The following CRIM1 variants were observed in gnomAD, a reference collection of about 807,000 sequenced individuals.
CRIM1 encodes cysteine rich transmembrane BMP regulator 1, also known as cysteine-rich motor neuron 1 protein.
CRIM1 carries 32 observed loss-of-function variants against 116.4 expected under a neutral mutation model. The observed-to-expected ratio is 0.27, with a 90% CI of 0.21 to 0.37. CRIM1 has a LOEUF of 0.37. Among genes scored for constraint, CRIM1 ranks in the 10% least tolerant of loss-of-function variants. CRIM1 has a pLI of 1.00. For synonymous variants in CRIM1, 590 were observed against 509.2 expected (o/e 1.16, Z -2.13); for missense variants, 1,331 against 1,354.8 (o/e 0.98, Z 0.28).
At chr2:36,369,791 C>T (rs1173321037) in intron 1 of CRIM1, among the ~76,000 whole-genome samples, 1 of 152,154 alleles carries the variant, frequency 6.6e-6, no homozygotes, top group Non-Finnish European at 1.5e-5. Context: ...TAGCATCAGC[C>T]ACTGGGCCCC....
chr2:36,442,030 G>A (rs1338375087), intron 3 of CRIM1, among the ~76,000 whole-genome samples: 1 of 152,118 alleles, frequency 6.6e-6, no homozygotes. Context: ...CATGTGCCAA[G>A]TCATCTTTGA....
chr2:36,501,111 AT>A lies in CRIM1; in HGVS notation c.1501+1768del, dbSNP rs1019862796. On this transcript the variant is annotated intron_variant, in intron 8 of 16. Coordinates refer to ENST00000280527, the MANE Select transcript of CRIM1 (RefSeq NM_016441.3). ...TCCCTTTTGAATTGACATTTGGCCT[AT>A]TTTCTTAAATCTCTTTCCATTCTCT... is the stretch of plus-strand genomic sequence containing the variant. 4.6e-5 allele frequency among the ~76,000 whole-genome samples: 7 copies of A among 152,198 alleles called. 1 individual carries two copies. The highest frequency in any genetic ancestry group is 1.7e-4 in the African/African-American group (7 of 41,512).
chr2:36,546,248 G>GC (rs1227800662), intron 15 of CRIM1, among the ~76,000 whole-genome samples: 1 of 152,098 alleles, frequency 6.6e-6, no homozygotes, highest in Non-Finnish European at 1.5e-5. Flanking sequence ...TTTAGGGAGT[G>GC]CCCCCTATTG....
chr2:36,358,153 A>G (rs1668982225), intron 1 of CRIM1, among the ~76,000 whole-genome samples: 2 of 152,164 alleles, frequency 1.3e-5, no homozygotes, highest in Non-Finnish European at 2.9e-5. Flanking sequence ...ATTTGCCTGA[A>G]GTACAAAAAA....
intron 2 of CRIM1, among the ~76,000 whole-genome samples, chr2:36,411,888 A>G (rs1673237653): frequency 1.3e-5 from 2 of 152,236 alleles, no homozygotes; most frequent in Non-Finnish European, 2.9e-5. Context: ...AGGATAAGCT[A>G]TGACTCCTGA....
chr2:36,452,514 G>T (rs959766882), intron 4 of CRIM1, among the ~76,000 whole-genome samples: 4 of 152,086 alleles, frequency 2.6e-5, no homozygotes, highest in African/African-American at 4.8e-5. Flanking sequence ...CAAAATAATT[G>T]TAGGAATTCC....
intron 11 of CRIM1, among the ~76,000 whole-genome samples, chr2:36,516,296 C>G (rs1179380333): frequency 1.3e-5 from 2 of 152,118 alleles, no homozygotes; most frequent in Non-Finnish European, 2.9e-5. Context: ...CCACTGAGCT[C>G]CAAGCATGAG....
At chr2:36,374,722 G>C (rs1057012807) in intron 1 of CRIM1, among the ~76,000 whole-genome samples, 1 of 152,112 alleles carries the variant, frequency 6.6e-6, no homozygotes, top group Non-Finnish European at 1.5e-5. Context: ...AGTCGTAATG[G>C]AATTTATTTT....
chr2:36,421,236 G>A (rs989221928), intron 2 of CRIM1, among the ~76,000 whole-genome samples: 2 of 152,116 alleles, frequency 1.3e-5, no homozygotes, highest in African/African-American at 4.8e-5. Context: ...TGCAGGTATG[G>A]TATGTGCTTT....
At chr2:36,533,033 C>T (rs1438514759) in intron 13 of CRIM1, among the ~76,000 whole-genome samples, 1 of 152,166 alleles carries the variant, frequency 6.6e-6, no homozygotes, top group Non-Finnish European at 1.5e-5. Context: ...GGTTATTTTT[C>T]GTTGGATATT....
chr2:36,460,069 G>A (rs1425652478), intron 4 of CRIM1, among the ~76,000 whole-genome samples: 1 of 151,912 alleles, frequency 6.6e-6, no homozygotes, highest in African/African-American at 2.4e-5. Flanking sequence ...AGGCACTCAG[G>A]TGCCCACTGA....
At chr2:36,420,016 C>T (rs2110929) in intron 2 of CRIM1, among the ~76,000 whole-genome samples, 2,180 of 152,272 alleles carry the variant, frequency 0.014, 39 homozygotes, top group African/African-American at 0.048. Context: ...ATGTTTGTCG[C>T]TTCTGACTTC....
chr2:36,395,467 AAAG>A (rs1357074287), intron 1 of CRIM1, among the ~76,000 whole-genome samples: 1 of 152,202 alleles, frequency 6.6e-6, no homozygotes, highest in African/African-American at 2.4e-5. Context: ...AGTATCTGTT[AAAG>A]ATAATGTTAA....
At chr2:36,489,090 A>G (rs976089148) in intron 7 of CRIM1, among the ~76,000 whole-genome samples, 3 of 152,226 alleles carry the variant, frequency 2.0e-5, no homozygotes, top group African/African-American at 7.2e-5. Flanking sequence ...ATATAATTTG[A>G]GACTGCCTTG....
Position 36,550,251 on chromosome 2 carries a change from T to TC in CRIM1, c.*1550_*1551insC. ...GCTCCTGGATTTTTTTTTTTTTTTT[T>TC]TCAAACAATGGTTTGAAACAACTAC... On this transcript the variant is annotated 3_prime_UTR_variant, in exon 17 of 17. Coordinates refer to ENST00000280527, the MANE Select transcript of CRIM1 (RefSeq NM_016441.3). 1.3e-5 allele frequency: 2 copies of TC among 152,196 alleles called. No homozygotes were observed. The highest frequency in any genetic ancestry group is 4.8e-5 in the African/African-American group (2 of 41,378). 9.4% of individuals were successfully genotyped at this position (152,196 alleles called of 1,614,324 possible).
intron 13 of CRIM1, among the ~76,000 whole-genome samples, chr2:36,528,777 T>C (rs1454786858): frequency 2.0e-5 from 3 of 152,212 alleles, no homozygotes; most frequent in African/African-American, 7.2e-5. Flanking sequence ...AGTATAAAAA[T>C]GAAAACATTC....
At chr2:36,534,459 A>G in intron 13 of CRIM1, among the ~76,000 whole-genome samples, 2 of 112,098 alleles carry the variant, frequency 1.8e-5, no homozygotes, top group Non-Finnish European at 1.8e-5. Context: ...GAGGGAGGGG[A>G]GGGACAGGAA....
chr2:36,488,644 A>G (rs181378495), intron 7 of CRIM1, among the ~76,000 whole-genome samples: 200 of 152,352 alleles, frequency 1.3e-3, no homozygotes, highest in Middle Eastern at 3.4e-3. Context: ...TTATATCTAC[A>G]GAATACCTGT....
intron 4 of CRIM1, among the ~76,000 whole-genome samples, chr2:36,455,202 AG>A (rs543219817): frequency 1.3e-5 from 2 of 152,108 alleles, no homozygotes; most frequent in Non-Finnish European, 2.9e-5. Flanking sequence ...ACCGAAGTAG[AG>A]GGGGCAACAA....
Sources: gnomAD v4.1 joint callset for allele counts (sites outside exome capture counted in the v4.1 genomes callset) on GRCh38, gnomAD v4.1.1 for gene constraint, MANE v1.5 for transcripts, NCBI Gene and HGNC (gene_info 2026-07-23, HGNC 2026-07-21) for gene names.